Variants in COL23A1 observed in about 807,000 individuals in gnomAD.
COL23A1 encodes the protein collagen alpha-1(XXIII) chain.
Under a neutral mutation model 99.3 loss-of-function variants are expected in COL23A1, and 97 were observed. That is an observed-to-expected ratio of 0.98 (90% confidence interval 0.83 to 1.16). The LOEUF (loss-of-function observed/expected upper bound fraction) is 1.16. COL23A1 is among the 50% of genes most tolerant of loss of function. The pLI, the probability that COL23A1 is intolerant of heterozygous loss-of-function variation, is 0.00. For missense variants in COL23A1, 762 were observed against 757.4 expected, an observed-to-expected ratio of 1.01 and a Z score of -0.07; for synonymous variants, 320 against 308.2, an observed-to-expected ratio of 1.04 and a Z score of -0.40.
At chr5:178,521,019 T>A (rs770119678) in intron 2 of COL23A1, among the ~76,000 whole-genome samples, 1 of 152,206 alleles carries the variant, frequency 6.6e-6, no homozygotes, top group Non-Finnish European at 1.5e-5. Context: ...CAGAGCCTAC[T>A]ACACACTGGG....
chr5:178,345,181 TAACTCCAGACTCCAC>T, intron 2 of COL23A1: 1 of 803,848 alleles, frequency 1.2e-6, no homozygotes. Context: ...ACGTAGTCTC[TAACTCCAGACTCCAC>T]CAGATGTGCG....
rs1398316151 is a variant in COL23A1, at chr5:178,309,154, T to G, written c.362-2235A>C. On this transcript the variant is annotated intron_variant, in intron 2 of 28. Coordinates refer to ENST00000390654, the MANE Select transcript of COL23A1 (RefSeq NM_173465.4). This position sits in a 1 kb window ranked among gnomAD's most constrained non-coding sequence, Gnocchi z 4.7. ...CTGGGTACGACTAGGAAGTTCTCCG[T>G]CTGGGTAACTGAAGCCAGATGAAGA... 6.6e-6 allele frequency among the ~76,000 whole-genome samples: 1 copy of G among 152,186 alleles called. No individual in the cohort carries two copies. The highest frequency in any genetic ancestry group is 1.5e-5 in the Non-Finnish European group (1 of 68,012).
rs70997609 is a variant in COL23A1 at position 178,523,201 on chromosome 5, T to TAGAGAG, written c.361+37475_361+37480dup. Among the ~76,000 whole-genome samples the TAGAGAG allele has an allele frequency of 2.5e-3, 197 of 77,560 alleles. 2 individuals carry two copies. Among genetic ancestry groups the TAGAGAG allele is most frequent in the Admixed American group, 5.6e-3 (30 of 5,384 alleles). 50.9% of individuals were successfully genotyped at this position (77,560 alleles called of 152,430 possible). A position where few individuals can be genotyped will look rare whatever the true frequency, so the allele number is the denominator to read the frequency against. On this transcript the variant is annotated intron_variant, in intron 2 of 28. Transcript: ENST00000390654. ...ATACACATATATATATATATATATA[T>TAGAGAG]AGAGAGAGAGAGAGAGAGAGAGAGA...
rs148125361 is a variant in COL23A1 at position 178,574,290 on chromosome 5, T to G, written c.295-13542A>C. Reference sequence around the variant, plus strand: ...GGAATTTTCTGAGATGTTAAAAATATTCTGTACTTATTGGAGATGCTGGTC... The same window carrying G: ...GGAATTTTCTGAGATGTTAAAAATAGTCTGTACTTATTGGAGATGCTGGTC... On this transcript the variant is annotated intron_variant, in intron 1 of 28. Transcript: ENST00000390654. 3.9e-3 allele frequency among the ~76,000 whole-genome samples: 591 copies of G among 152,316 alleles called. 6 individuals carry two copies. The highest frequency in any genetic ancestry group is 0.014 in the African/African-American group (567 of 41,570).
intron 2 of COL23A1, among the ~76,000 whole-genome samples, chr5:178,524,909 G>A (rs1056100357): frequency 1.3e-5 from 2 of 152,124 alleles, no homozygotes; most frequent in Admixed American, 6.5e-5. Context: ...AGCACTCTGC[G>A]GGACTCCATT....
In COL23A1 at chr5:178,281,528, G is replaced by A. The variant is rs914676819; in HGVS notation, c.441+6796C>T. ...CTCGACTCCAGAGGGGCTTGGGCAC[G>A]GCGCTCCGGGGCCCAGGAGGTGCCG... On this transcript the variant is annotated intron_variant, in intron 5 of 28. Transcript: ENST00000390654. This position sits in a 1 kb window ranked among gnomAD's most constrained non-coding sequence, Gnocchi z 4.0. 1.3e-5 allele frequency among the ~76,000 whole-genome samples: 2 copies of A among 152,112 alleles called. No homozygotes were observed. The highest frequency in any genetic ancestry group is 2.4e-5 in the African/African-American group (1 of 41,424).
At chr5:178,558,781 T>C (rs1285621492) in intron 2 of COL23A1, among the ~76,000 whole-genome samples, 1 of 151,956 alleles carries the variant, frequency 6.6e-6, no homozygotes, top group African/African-American at 2.4e-5. Flanking sequence ...TCCCATGTAA[T>C]TGCAATTTCT....
intron 2 of COL23A1, among the ~76,000 whole-genome samples, chr5:178,512,291 G>A (rs1195416700): frequency 6.6e-6 from 1 of 152,202 alleles, no homozygotes; most frequent in Non-Finnish European, 1.5e-5. Flanking sequence ...GGGATATCTT[G>A]TGCAATAATG....
rs773603345 is a variant in COL23A1 at position 178,384,292 on chromosome 5, G to C, written c.362-77373C>G. On this transcript the variant is annotated intron_variant, in intron 2 of 28. Coordinates refer to ENST00000390654, the MANE Select transcript of COL23A1 (RefSeq NM_173465.4). This position sits in a 1 kb window ranked among gnomAD's most constrained non-coding sequence, Gnocchi z 5.5. ...AGGGCAGTTCTCAAAACCTGGATCC[G>C]GCGACGGAGGCCCGGCCTGGCCACT... Among the ~76,000 whole-genome samples the C allele has an allele frequency of 1.8e-4, 27 of 152,356 alleles. No individual in the cohort carries two copies. The highest frequency in any genetic ancestry group is 2.8e-4 in the Non-Finnish European group (19 of 68,032).
chr5:178,501,876 C>T (rs1029015570), intron 2 of COL23A1, among the ~76,000 whole-genome samples: 4 of 152,154 alleles, frequency 2.6e-5, no homozygotes, highest in African/African-American at 9.7e-5. Context: ...AGAGGCCTTG[C>T]GGGGAGCCTG....
At chr5:178,460,282 C>T (rs1310261512) in intron 2 of COL23A1, among the ~76,000 whole-genome samples, 1 of 152,018 alleles carries the variant, frequency 6.6e-6, no homozygotes, top group Non-Finnish European at 1.5e-5. Context: ...ACAGATGGCA[C>T]CCACAGTTCT....
intron 1 of COL23A1, among the ~76,000 whole-genome samples, chr5:178,570,992 A>C (rs1763065385): frequency 6.6e-6 from 1 of 152,162 alleles, no homozygotes; most frequent in African/African-American, 2.4e-5. Flanking sequence ...CACCGCAGAC[A>C]GCATTCACAC....
chr5:178,569,379 A>G (rs1762979875), intron 1 of COL23A1, among the ~76,000 whole-genome samples: 1 of 152,192 alleles, frequency 6.6e-6, no homozygotes, highest in Admixed American at 6.5e-5. Flanking sequence ...ACCAAGACGC[A>G]ATATGAGCGT....
intron 3 of COL23A1, among the ~76,000 whole-genome samples, chr5:178,295,009 A>G (rs1360942792): frequency 6.6e-6 from 1 of 152,056 alleles, no homozygotes; most frequent in Non-Finnish European, 1.5e-5. Flanking sequence ...ACAAAACAAA[A>G]CAAAAAACAA....
In COL23A1 at chr5:178,530,326, G is replaced by A. The variant is rs117364572; in HGVS notation, c.361+30356C>T. 3.6e-3 allele frequency among the ~76,000 whole-genome samples: 555 copies of A among 152,286 alleles called. 9 individuals are homozygous for A. The highest frequency in any genetic ancestry group is 0.028 in the Admixed American group (421 of 15,296). On this transcript the variant is annotated intron_variant, in intron 2 of 28. Coordinates refer to ENST00000390654, the MANE Select transcript of COL23A1 (RefSeq NM_173465.4). ...AAATAAAAAAGATTAGCCGGGTGCA[G>A]TGGTGCGTGCCTGTAGTCCCAGCTA...
intron 2 of COL23A1, among the ~76,000 whole-genome samples, chr5:178,347,134 G>A (rs1474469129): frequency 1.3e-5 from 2 of 152,162 alleles, no homozygotes; most frequent in African/African-American, 4.8e-5. Context: ...ACTGGGAGCC[G>A]CACTGGCCCG....
At chr5:178,459,170 C>T (rs1366986162) in intron 2 of COL23A1, among the ~76,000 whole-genome samples, 1 of 152,204 alleles carries the variant, frequency 6.6e-6, no homozygotes, top group Non-Finnish European at 1.5e-5. Context: ...TGCACATCAA[C>T]TGGATTGCTA....
chr5:178,435,273 G>A (rs1440808888), intron 2 of COL23A1, among the ~76,000 whole-genome samples: 1 of 152,264 alleles, frequency 6.6e-6, no homozygotes, highest in South Asian at 2.1e-4. Context: ...TGGGAGTGTG[G>A]CTCATTCCCA....
At position 178,259,761 on chromosome 5, in the gene COL23A1, TG is replaced by T; in HGVS notation, c.703-15del. 3 of 1,599,852 alleles carry T rather than the reference TG, an allele frequency of 1.9e-6. No homozygotes were observed. Among genetic ancestry groups the T allele is most frequent in the East Asian group, 2.3e-5 (1 of 44,402 alleles). On this transcript the variant is annotated splice_polypyrimidine_tract_variant and intron_variant, in intron 11 of 28. Coordinates refer to ENST00000390654, the MANE Select transcript of COL23A1 (RefSeq NM_173465.4). ...TCCAGGCTCACCCTGGGGGAGGCAATGGGGGGTTCAAGAGCAAGGTCAAAAC... is the reference window on the plus strand; with the variant it reads ...TCCAGGCTCACCCTGGGGGAGGCAATGGGGGTTCAAGAGCAAGGTCAAAAC...
Sources: gnomAD v4.1 joint callset for allele counts (sites outside exome capture counted in the v4.1 genomes callset) on GRCh38, gnomAD v4.1.1 for gene constraint, Gnocchi (gnomAD v3.1) non-coding constraint, MANE v1.5 for transcripts, NCBI Gene and HGNC (gene_info 2026-07-23, HGNC 2026-07-21) for gene names.